CEP95: variants seen among roughly 807,000 people sequenced by gnomAD.
CEP95 encodes the protein centrosomal protein of 95 kDa.
In CEP95, 98 loss-of-function variants were observed where a neutral mutation model predicts 111.2. The ratio of observed to expected loss-of-function variants is 0.88; its 90% CI spans 0.75 to 1.04. The LOEUF (loss-of-function observed/expected upper bound fraction) is 1.04, where lower values mean the gene tolerates loss of function less well. Among genes scored for constraint, CEP95 ranks in the 50% least tolerant of loss-of-function variants. The pLI, the probability that CEP95 is intolerant of heterozygous loss-of-function variation, is 0.00. For missense variants in CEP95, 1,027 were observed against 977.2 expected, an observed-to-expected ratio of 1.05 and a Z score of -0.68; for synonymous variants, 323 against 327.1, an observed-to-expected ratio of 0.99 and a Z score of 0.14.
At chr17:64,508,212 A>G (rs1414123309) in intron 1 of CEP95, 1 of 985,318 alleles carries the variant, frequency 1.0e-6, no homozygotes, top group African/African-American at 1.7e-5. Context: ...AGTTTCTGGT[A>G]ACCTCGGATT....
Position 64,537,766 on chromosome 17 carries a change from GTCCC to G in CEP95, c.2459_2462del (p.Ser820TyrfsTer10). ...CTGGCTTCCTTTCAGTACAGTAAAA[GTCCC>G]TCCCTATGAGGCCAGACTTGATAAT... On this transcript the variant is annotated frameshift_variant, in exon 20 of 20. Coordinates refer to ENST00000556440, the MANE Select transcript of CEP95 (RefSeq NM_138363.3). LOFTEE classifies it high-confidence loss of function. 6.3e-7 allele frequency: 1 copy of G among 1,597,732 alleles called. No individual in the cohort carries two copies.
At chr17:64,507,232 G>A (rs1390922528) in intron 1 of CEP95, 116 bp downstream of exon 1, 8 of 1,523,176 alleles carry the variant, frequency 5.3e-6, no homozygotes, top group Non-Finnish European at 5.3e-6. Context: ...ACCTTCAGAC[G>A]CCGCGTCGCG....
intron 3 of CEP95, 45 bp from the exon 4 acceptor site, chr17:64,514,203 G>C (rs1394749421): frequency 7.8e-6 from 6 of 764,658 alleles, no homozygotes; most frequent in African/African-American, 5.3e-5. Context: ...GAAGCTTTCA[G>C]ATTTCATGGT....
chr17:64,511,963 A>T (rs2038921803), intron 3 of CEP95, among the ~76,000 whole-genome samples: 1 of 152,224 alleles, frequency 6.6e-6, no homozygotes, highest in Non-Finnish European at 1.5e-5. Context: ...AAAGCATACT[A>T]ATGCTACTTG....
intron 11 of CEP95, among the ~76,000 whole-genome samples, chr17:64,528,744 T>C (rs1223618132): frequency 1.3e-5 from 2 of 152,224 alleles, no homozygotes; most frequent in African/African-American, 4.8e-5. Context: ...GACACACCTA[T>C]AGACAATGGG....
intron 8 of CEP95, among the ~76,000 whole-genome samples, chr17:64,525,038 C>G (rs898072312): frequency 4.0e-5 from 6 of 150,828 alleles, no homozygotes; most frequent in African/African-American, 1.5e-4. Context: ...AAGATTATCT[C>G]TAAGACCAAG....
At chr17:64,521,883 GTC>G (rs1967368452) in intron 7 of CEP95, among the ~76,000 whole-genome samples, 1 of 151,994 alleles carries the variant, frequency 6.6e-6, no homozygotes, top group Non-Finnish European at 1.5e-5. Context: ...TCGAGACAGA[GTC>G]TAGCTCTGTT....
chr17:64,507,775 AC>A, intron 1 of CEP95: 1 of 985,560 alleles, frequency 1.0e-6, no homozygotes, highest in Non-Finnish European at 1.2e-6. Context: ...CGTTTCCAGA[AC>A]GTTACGTGTC....
At chr17:64,532,464 G>A in intron 14 of CEP95, 1 of 985,354 alleles carries the variant, frequency 1.0e-6, no homozygotes, top group Non-Finnish European at 1.2e-6. Flanking sequence ...TACACCCAAA[G>A]ACTGCTGGCC....
intron 11 of CEP95, among the ~76,000 whole-genome samples, chr17:64,527,773 C>CT (rs1261605377): frequency 6.6e-6 from 1 of 151,630 alleles, no homozygotes; most frequent in Non-Finnish European, 1.5e-5. Context: ...CAGTGTGTCA[C>CT]TTTTGTGTGG....
At chr17:64,525,441 C>A (rs960488931) in intron 8 of CEP95, among the ~76,000 whole-genome samples, 1 of 152,184 alleles carries the variant, frequency 6.6e-6, no homozygotes, top group Non-Finnish European at 1.5e-5. Context: ...CAAAAGATAG[C>A]CACTTGAATA....
chr17:64,535,322 G>A (rs1968575437), intron 17 of CEP95: 1 of 157,352 alleles, frequency 6.4e-6, no homozygotes, highest in South Asian at 1.9e-4. Flanking sequence ...GTCAGAACCA[G>A]TTTTTCTATC....
chr17:64,516,702 G>C (rs782671903), intron 4 of CEP95, 21 bp from the exon 5 acceptor site: 5 of 1,489,818 alleles, frequency 3.4e-6, no homozygotes, highest in South Asian at 1.2e-5. Context: ...TTTTGGTATT[G>C]TTTTTATCTG....
intron 3 of CEP95, among the ~76,000 whole-genome samples, chr17:64,512,632 A>G (rs565677249): frequency 6.6e-6 from 1 of 152,370 alleles, no homozygotes; most frequent in South Asian, 2.1e-4. Context: ...GTAAAAGGAG[A>G]TAAATGTTAA....
intron 8 of CEP95, 40 bp downstream of exon 8, chr17:64,522,935 C>G: frequency 1.4e-6 from 2 of 1,470,424 alleles, no homozygotes; most frequent in Non-Finnish European, 1.9e-6. Flanking sequence ...TAGAAGTACA[C>G]TTGTATGTAT....
intron 5 of CEP95, among the ~76,000 whole-genome samples, chr17:64,517,605 G>A (rs782035388): frequency 1.3e-4 from 19 of 151,522 alleles, no homozygotes; most frequent in South Asian, 2.1e-4. Context: ...GTACAGTGGC[G>A]TGATCAGAGT....
Position 64,529,358 on chromosome 17 carries a change from A to G in CEP95, c.1377A>G (p.Lys459=). The G allele has an allele frequency of 6.2e-7, 1 of 1,613,828 alleles. No individual in the cohort carries two copies. The highest frequency in any genetic ancestry group is 8.5e-7 in the Non-Finnish European group (1 of 1,179,798). Residue 459 remains lysine (K), a synonymous_variant, in exon 12 of 20, where the codon AAA becomes AAG. Transcript: ENST00000556440. ...CTCCATCTCCAGTTAACAAACACAA[A>G]CAGTTCCACTTGGAGAGAAAAAGGC... The part of the protein sequence containing the change: ...SLSPSPVNKH[K]QFHLERKRQR...
At position 64,537,029 on chromosome 17, in the gene CEP95, TC is replaced by T; in HGVS notation, c.2218-10del. The stretch of plus-strand genomic sequence containing the variant: ...TAAATATAATATTTGTTTTTTTTCT[TC>T]CTATAAACAGTTTTCATTGCTGGCA... On this transcript the variant is annotated splice_polypyrimidine_tract_variant and intron_variant, in intron 18 of 19. Coordinates refer to ENST00000556440, the MANE Select transcript of CEP95 (RefSeq NM_138363.3). 1.2e-6 allele frequency: 2 copies of T among 1,600,684 alleles called. No individual in the cohort carries two copies. The highest frequency in any genetic ancestry group is 1.7e-6 in the Non-Finnish European group (2 of 1,173,622).
Position 64,506,991 on chromosome 17 carries a change from G to A in CEP95, c.-107G>A, listed in dbSNP as rs2038570568. 1.6e-5 allele frequency: 21 copies of A among 1,316,308 alleles called. No individual in the cohort carries two copies. The highest frequency in any genetic ancestry group is 6.3e-5 in the South Asian group (5 of 79,338). 81.5% of individuals were successfully genotyped at this position (1,316,308 alleles called of 1,614,324 possible). A position where few individuals can be genotyped will look rare whatever the true frequency, so the allele number is the denominator to read the frequency against. On this transcript the variant is annotated 5_prime_UTR_variant, in exon 1 of 20. Transcript: ENST00000556440. ...TTTCACGCCTCCTTCCCCGCGCTTT[G>A]GTTCGTGCGTCCGCGCCCCAGTGTC...
Sources: gnomAD v4.1 joint callset for allele counts (sites outside exome capture counted in the v4.1 genomes callset) on GRCh38, gnomAD v4.1.1 for gene constraint, MANE v1.5 for transcripts, NCBI Gene and HGNC (gene_info 2026-07-23, HGNC 2026-07-21) for gene names.